Variants in CCBE1 observed in about 807,000 individuals in gnomAD.
CCBE1 encodes the protein collagen and calcium-binding EGF domain-containing protein 1.
Under a neutral mutation model 50.0 loss-of-function variants are expected in CCBE1, and 37 were observed. The observed-to-expected ratio is 0.74, with a 90% confidence interval of 0.57 to 0.97. CCBE1 has a LOEUF of 0.97. Ranked by LOEUF, CCBE1 falls within the 50% of genes least tolerant of loss-of-function variation. CCBE1 has a pLI of 0.00. For synonymous variants in CCBE1, 234 were observed against 203.7 expected, an observed-to-expected ratio of 1.15 and a Z score of -1.27; for missense variants, 538 against 523.8, an observed-to-expected ratio of 1.03 and a Z score of -0.26.
intron 2 of CCBE1, among the ~76,000 whole-genome samples, chr18:59,569,703 T>C (rs943178807): frequency 1.3e-5 from 2 of 151,588 alleles, no homozygotes; most frequent in Non-Finnish European, 2.9e-5. Context: ...CAATCAATCA[T>C]AGCCTACTGC....
At chr18:59,671,063 A>C (rs113506900) in intron 2 of CCBE1, among the ~76,000 whole-genome samples, 1 of 152,356 alleles carries the variant, frequency 6.6e-6, no homozygotes, top group Non-Finnish European at 1.5e-5. Flanking sequence ...CCTCAAGCAA[A>C]GCTCGGCAAA....
chr18:59,549,566 A>G (rs995889902), intron 2 of CCBE1, among the ~76,000 whole-genome samples: 1 of 152,226 alleles, frequency 6.6e-6, no homozygotes, highest in Non-Finnish European at 1.5e-5. Context: ...GACCTTGGGA[A>G]CAGCAAAGAC....
chr18:59,590,710 C>T (rs1160722258), intron 2 of CCBE1, among the ~76,000 whole-genome samples: 3 of 152,144 alleles, frequency 2.0e-5, no homozygotes, highest in Non-Finnish European at 2.9e-5. Context: ...CAGAATTAGA[C>T]CTGACTACTT....
At position 59,454,594 on chromosome 18, in the gene CCBE1, A is replaced by G. The variant is rs193022895; in HGVS notation, c.654+257T>C. Among the ~76,000 whole-genome samples, 8 of 152,270 alleles carry G rather than the reference A, an allele frequency of 5.3e-5. No individual in the cohort carries two copies. The East Asian group carries it at 1.5e-3, about 29-fold the overall frequency. On this transcript the variant is annotated intron_variant, in intron 6 of 10. Coordinates refer to ENST00000439986, the MANE Select transcript of CCBE1 (RefSeq NM_133459.4). ...GCAATAGCCGTAGCTCACCCTATCTATGGCTTTGCCACGTGTCCCTTACCT... is the reference window on the plus strand; with the variant it reads ...GCAATAGCCGTAGCTCACCCTATCTGTGGCTTTGCCACGTGTCCCTTACCT...
At chr18:59,469,715 G>T in intron 3 of CCBE1, 108 bp from the exon 4 acceptor site, 1 of 1,405,206 alleles carries the variant, frequency 7.1e-7, no homozygotes, top group Non-Finnish European at 1.0e-6. Context: ...GGGCACGTGT[G>T]AAGTGTGGAC....
intron 2 of CCBE1, among the ~76,000 whole-genome samples, chr18:59,513,144 C>T (rs2144302256): frequency 6.6e-6 from 1 of 152,226 alleles, no homozygotes; most frequent in South Asian, 2.1e-4. Flanking sequence ...CCCATCTCCA[C>T]TAAAAATACA....
chr18:59,611,969 C>T (rs1432234178), intron 2 of CCBE1, among the ~76,000 whole-genome samples: 1 of 152,090 alleles, frequency 6.6e-6, no homozygotes, highest in Non-Finnish European at 1.5e-5. Context: ...ACCTGGAGTC[C>T]AACTCAGAAG....
chr18:59,489,463 G>A (rs1030060457), intron 2 of CCBE1, among the ~76,000 whole-genome samples: 1 of 152,030 alleles, frequency 6.6e-6, no homozygotes, highest in African/African-American at 2.4e-5. Flanking sequence ...ACCCATGCTG[G>A]AGTGCAGTGG....
chr18:59,681,046 T>TGA (rs1485825802), intron 2 of CCBE1, among the ~76,000 whole-genome samples: 1 of 145,972 alleles, frequency 6.9e-6, no homozygotes, highest in Non-Finnish European at 1.5e-5. Context: ...GTAATTTGGC[T>TGA]GAGAAAAAAA....
intron 5 of CCBE1, among the ~76,000 whole-genome samples, chr18:59,457,993 C>A (rs1241074261): frequency 1.3e-5 from 2 of 152,212 alleles, no homozygotes; most frequent in East Asian, 3.8e-4. Context: ...GACCCAGGCT[C>A]CAGGTTTATT....
At chr18:59,640,362 A>G (rs2053970769) in intron 2 of CCBE1, among the ~76,000 whole-genome samples, 2 of 152,240 alleles carry the variant, frequency 1.3e-5, no homozygotes, top group South Asian at 4.1e-4. Context: ...AACAAAGTCA[A>G]CAAAAACAAG....
At chr18:59,494,077 G>T (rs1322305343) in intron 2 of CCBE1, among the ~76,000 whole-genome samples, 1 of 152,162 alleles carries the variant, frequency 6.6e-6, no homozygotes, top group Non-Finnish European at 1.5e-5. Flanking sequence ...GAAGCAGCAT[G>T]AAAATGGACT....
At chr18:59,629,582 T>A (rs2053826612) in intron 2 of CCBE1, among the ~76,000 whole-genome samples, 1 of 152,150 alleles carries the variant, frequency 6.6e-6, no homozygotes, top group African/African-American at 2.4e-5. Context: ...CATGAATACA[T>A]GATTAAGAAA....
intron 2 of CCBE1, chr18:59,568,083 G>A (rs2144475892): frequency 1.3e-5 from 2 of 152,146 alleles, no homozygotes; most frequent in Non-Finnish European, 2.9e-5. Flanking sequence ...GCAAGAGTGG[G>A]TTTCTGCAGG....
chr18:59,576,404 C>T lies in CCBE1; in HGVS notation c.213-96166G>A, dbSNP rs1313562982. Among the ~76,000 whole-genome samples the T allele has an allele frequency of 3.9e-5, 6 of 152,202 alleles. 1 individual carries two copies. Among genetic ancestry groups the T allele is most frequent in the Non-Finnish European group, 8.8e-5 (6 of 68,038 alleles). On this transcript the variant is annotated intron_variant, in intron 2 of 10. Coordinates refer to ENST00000439986, the MANE Select transcript of CCBE1 (RefSeq NM_133459.4). Reference sequence around the variant, plus strand: ...GCTGTTTTTAAAGTAGCTCATTACACTTGACATTCAGGAAAATATTCAAGT... The same window carrying T: ...GCTGTTTTTAAAGTAGCTCATTACATTTGACATTCAGGAAAATATTCAAGT...
intron 3 of CCBE1, among the ~76,000 whole-genome samples, chr18:59,477,777 T>C (rs1165218790): frequency 1.3e-5 from 2 of 152,334 alleles, no homozygotes; most frequent in South Asian, 2.1e-4. Flanking sequence ...TCATGCAGCA[T>C]AGTTGCAGCA....
At chr18:59,686,332 C>A (rs1469283011) in intron 2 of CCBE1, among the ~76,000 whole-genome samples, 1 of 152,192 alleles carries the variant, frequency 6.6e-6, no homozygotes, top group Non-Finnish European at 1.5e-5. Context: ...TGCCTCTTTT[C>A]AATTTGCAGT....
At chr18:59,578,682 C>T in intron 2 of CCBE1, among the ~76,000 whole-genome samples, 1 of 149,406 alleles carries the variant, frequency 6.7e-6, no homozygotes, top group East Asian at 1.9e-4. Context: ...TCTCAGCAAA[C>T]TGACACAGGA....
intron 2 of CCBE1, among the ~76,000 whole-genome samples, chr18:59,624,730 A>G (rs763546320): frequency 5.9e-5 from 9 of 152,326 alleles, no homozygotes; most frequent in South Asian, 2.1e-4. Flanking sequence ...GAGCTCAGAG[A>G]CACTCTTGTC....
Sources: gnomAD v4.1 joint callset for allele counts (sites outside exome capture counted in the v4.1 genomes callset) on GRCh38, gnomAD v4.1.1 for gene constraint, MANE v1.5 for transcripts, NCBI Gene and HGNC (gene_info 2026-07-23, HGNC 2026-07-21) for gene names.